Variants in SUCLG2 observed in about 807,000 individuals in gnomAD.
The protein encoded by SUCLG2 is succinate--CoA ligase [GDP-forming] subunit beta, mitochondrial.
Under a neutral mutation model 47.9 loss-of-function variants are expected in SUCLG2, and 42 were observed. The observed-to-expected ratio is 0.88, with a 90% CI of 0.69 to 1.14. The LOEUF is 1.14. SUCLG2 is among the 50% of genes most tolerant of loss of function. SUCLG2 has a pLI of 0.00. For synonymous variants in SUCLG2, 195 were observed against 197.3 expected (o/e 0.99, Z 0.10); for missense variants, 571 against 525.9 (o/e 1.09, Z -0.84).
At position 67,465,851 on chromosome 3, in the gene SUCLG2, T is replaced by G. The variant is rs375485583; in HGVS notation, c.1062+29947A>C. 8.5e-5 allele frequency among the ~76,000 whole-genome samples: 13 copies of G among 152,262 alleles called. No homozygotes were observed. In the East Asian group the frequency reaches 2.5e-3, roughly 29 times the overall value. ...TAGTACCACAGAAAATTATCTAGTG[T>G]GGCACCCAGCAATCAGCATTTTCCA... On this transcript the variant is annotated intron_variant, in intron 9 of 10. Transcript: ENST00000307227.
intron 2 of SUCLG2, among the ~76,000 whole-genome samples, chr3:67,551,026 T>C (rs1707001170): frequency 1.3e-5 from 2 of 152,238 alleles, no homozygotes; most frequent in South Asian, 4.1e-4. Flanking sequence ...ATGTTGCCTA[T>C]TGGGCAAAAT....
chr3:67,377,425 T>G (rs920494613), intron 10 of SUCLG2, among the ~76,000 whole-genome samples: 5 of 152,232 alleles, frequency 3.3e-5, no homozygotes, highest in Non-Finnish European at 7.3e-5. Context: ...GCTCCTCTTC[T>G]GCAGTAGAGT....
intron 2 of SUCLG2, among the ~76,000 whole-genome samples, chr3:67,567,478 C>T (rs555600935): frequency 3.3e-5 from 5 of 151,974 alleles, no homozygotes; most frequent in African/African-American, 9.6e-5. Context: ...TTCGTTTTAA[C>T]GTTTTGTCCA....
chr3:67,429,416 A>C (rs1215215636), intron 9 of SUCLG2, among the ~76,000 whole-genome samples: 1 of 152,180 alleles, frequency 6.6e-6, no homozygotes, highest in Non-Finnish European at 1.5e-5. Context: ...TTTTGTCACC[A>C]CCAGGCCTGT....
chr3:67,497,131 C>T (rs377031324), intron 8 of SUCLG2, among the ~76,000 whole-genome samples: 11 of 152,228 alleles, frequency 7.2e-5, no homozygotes, highest in East Asian at 5.8e-4. Flanking sequence ...TGTGAGTGAT[C>T]TGGTACATTA....
intron 1 of SUCLG2, among the ~76,000 whole-genome samples, chr3:67,613,471 T>A (rs184443871): frequency 2.0e-5 from 3 of 152,296 alleles, no homozygotes; most frequent in African/African-American, 7.2e-5. Flanking sequence ...GTGTGACACA[T>A]TCAGGCCAAC....
At chr3:67,477,293 C>T (rs939479803) in intron 9 of SUCLG2, among the ~76,000 whole-genome samples, 14 of 152,152 alleles carry the variant, frequency 9.2e-5, no homozygotes, top group African/African-American at 2.9e-4. Flanking sequence ...ACAAGCTCCA[C>T]CATTTGGCTG....
At chr3:67,498,343 ATAAAT>A (rs1705406351) in intron 7 of SUCLG2, 48 bp from the exon 8 acceptor site, 4 of 1,590,292 alleles carry the variant, frequency 2.5e-6, no homozygotes, top group African/African-American at 1.3e-5. Context: ...TTGAGGATCT[ATAAAT>A]TAAGTTCTTC....
chr3:67,365,128 A>G (rs985757913), intron 10 of SUCLG2, among the ~76,000 whole-genome samples: 1 of 152,244 alleles, frequency 6.6e-6, no homozygotes, highest in African/African-American at 2.4e-5. Context: ...GAGAAAACAG[A>G]CTGAAAAAGT....
At chr3:67,372,352 C>T (rs1323489086), downstream of SUCLG2, among the ~76,000 whole-genome samples, 2 of 152,088 alleles carry the variant, frequency 1.3e-5, no homozygotes, top group Non-Finnish European at 2.9e-5. Flanking sequence ...AAAATGGATA[C>T]TGCCTTTGCA....
In SUCLG2 at chr3:67,614,039, G is replaced by A. The variant is rs562797125; in HGVS notation, c.85-4443C>T. Among the ~76,000 whole-genome samples, 7 of 152,280 alleles carry A rather than the reference G, an allele frequency of 4.6e-5. No individual in the cohort carries two copies. The East Asian group carries it at 1.4e-3, about 29-fold the overall frequency. ...GGTGTTGTCCTAAGATGCTAGAATG[G>A]TAGAAGTTTATTTCAACTCCTAGGA... On this transcript the variant is annotated intron_variant, in intron 1 of 10. Transcript: ENST00000307227.
intron 1 of SUCLG2, among the ~76,000 whole-genome samples, chr3:67,613,566 A>G (rs984054485): frequency 6.6e-6 from 1 of 152,192 alleles, no homozygotes; most frequent in Non-Finnish European, 1.5e-5. Flanking sequence ...TAGCTGATCT[A>G]TCAGCCAGGG....
At chr3:67,532,405 G>C (rs1399527568) in intron 2 of SUCLG2, among the ~76,000 whole-genome samples, 3 of 152,134 alleles carry the variant, frequency 2.0e-5, no homozygotes, top group Non-Finnish European at 4.4e-5. Flanking sequence ...CAAAGTGCTA[G>C]GATTACAGGC....
At chr3:67,590,914 AG>A (rs1280354104) in intron 2 of SUCLG2, among the ~76,000 whole-genome samples, 5 of 152,152 alleles carry the variant, frequency 3.3e-5, no homozygotes, top group Non-Finnish European at 5.9e-5. Context: ...TAAGAGAGAG[AG>A]AGTTCTTTAA....
At chr3:67,640,035 A>T (rs541557102) in intron 1 of SUCLG2, among the ~76,000 whole-genome samples, 22 of 151,844 alleles carry the variant, frequency 1.4e-4, no homozygotes, top group Admixed American at 9.8e-4. Flanking sequence ...TAGCATAATT[A>T]AAAAATAAAA....
intron 10 of SUCLG2, among the ~76,000 whole-genome samples, chr3:67,383,034 A>G (rs576430258): frequency 4.6e-5 from 7 of 152,328 alleles, no homozygotes; most frequent in Admixed American, 4.6e-4. Context: ...TTTATGTCAG[A>G]AACAGAATAA....
intron 6 of SUCLG2, among the ~76,000 whole-genome samples, chr3:67,516,284 C>T (rs1371824779): frequency 6.6e-6 from 1 of 152,186 alleles, no homozygotes; most frequent in Non-Finnish European, 1.5e-5. Context: ...TCAGTTCTCA[C>T]ATATTCGTCT....
intron 1 of SUCLG2, among the ~76,000 whole-genome samples, chr3:67,612,226 G>A (rs1489785473): frequency 6.6e-6 from 1 of 152,146 alleles, no homozygotes; most frequent in East Asian, 1.9e-4. Context: ...GGATGTGGTA[G>A]TGCATGCCCA....
At chr3:67,417,526 C>T (rs1703063770) in intron 9 of SUCLG2, among the ~76,000 whole-genome samples, 1 of 152,178 alleles carries the variant, frequency 6.6e-6, no homozygotes, top group African/African-American at 2.4e-5. Context: ...ACGATGCCTA[C>T]AATACTTTTT....
Sources: gnomAD v4.1 joint callset for allele counts (sites outside exome capture counted in the v4.1 genomes callset) on GRCh38, gnomAD v4.1.1 for gene constraint, MANE v1.5 for transcripts, NCBI Gene and HGNC (gene_info 2026-07-23, HGNC 2026-07-21) for gene names.